NELL1: variants seen among roughly 807,000 people sequenced by gnomAD.
NELL1 encodes the protein protein kinase C-binding protein NELL1.
Under a neutral mutation model 107.4 loss-of-function variants are expected in NELL1, and 76 were observed. That is an observed-to-expected ratio of 0.71 (90% CI 0.59 to 0.86). The LOEUF (loss-of-function observed/expected upper bound fraction) is 0.86, where lower values mean the gene tolerates loss of function less well. NELL1 is among the 40% of genes least tolerant of loss of function. NELL1 has a pLI of 0.00. For synonymous variants in NELL1, 353 were observed against 341.2 expected (o/e 1.03, Z -0.38); for missense variants, 1,024 against 1,005.5 (o/e 1.02, Z -0.25).
At chr11:20,696,740 A>G (rs1165376203) in intron 2 of NELL1, among the ~76,000 whole-genome samples, 1 of 152,160 alleles carries the variant, frequency 6.6e-6, no homozygotes, top group Non-Finnish European at 1.5e-5. Context: ...AACTTTAGAA[A>G]AATTACATTT....
At chr11:21,225,103 G>A (rs147131016) in intron 13 of NELL1, among the ~76,000 whole-genome samples, 189 of 152,156 alleles carry the variant, frequency 1.2e-3, no homozygotes, top group Middle Eastern at 3.4e-3. Flanking sequence ...CTCATGTCAC[G>A]ATGCTGCAAC....
intron 12 of NELL1, among the ~76,000 whole-genome samples, chr11:21,076,888 C>G (rs1854149284): frequency 6.6e-6 from 1 of 152,124 alleles, no homozygotes; most frequent in Non-Finnish European, 1.5e-5. Flanking sequence ...TCCCCTTCCC[C>G]TCCTGCCATG....
intron 3 of NELL1, among the ~76,000 whole-genome samples, chr11:20,809,732 T>C (rs1434074527): frequency 6.6e-6 from 1 of 152,244 alleles, no homozygotes; most frequent in Non-Finnish European, 1.5e-5. Context: ...ACTATTCCAT[T>C]GTGTGTATAT....
intron 12 of NELL1, among the ~76,000 whole-genome samples, chr11:21,017,605 A>G (rs1029397168): frequency 6.6e-6 from 1 of 152,232 alleles, no homozygotes; most frequent in African/African-American, 2.4e-5. Context: ...TGAAAAACAA[A>G]CATACCTGAA....
chr11:20,896,565 G>A (rs1393130423), intron 5 of NELL1, among the ~76,000 whole-genome samples: 2 of 152,038 alleles, frequency 1.3e-5, no homozygotes, highest in Non-Finnish European at 2.9e-5. Flanking sequence ...TTTCCATAGG[G>A]GTTAATAGTT....
chr11:21,087,012 G>A (rs551509460), intron 12 of NELL1, among the ~76,000 whole-genome samples: 34 of 151,758 alleles, frequency 2.2e-4, no homozygotes, highest in African/African-American at 4.8e-4. Flanking sequence ...CTAATTTTTC[G>A]TATTTTTTAG....
At chr11:21,419,478 C>CCAAT (rs1159702223) in intron 15 of NELL1, among the ~76,000 whole-genome samples, 16 of 152,026 alleles carry the variant, frequency 1.1e-4, no homozygotes, top group African/African-American at 3.9e-4. Context: ...GAAATAGAGT[C>CCAAT]CAATCAGTCA....
At chr11:20,980,403 C>G (rs1028884595) in intron 12 of NELL1, among the ~76,000 whole-genome samples, 1 of 152,070 alleles carries the variant, frequency 6.6e-6, no homozygotes, top group South Asian at 2.1e-4. Flanking sequence ...ATTCTTTTGT[C>G]CCTGTGGTTC....
chr11:21,024,790 A>C (rs1852777678), intron 12 of NELL1, among the ~76,000 whole-genome samples: 1 of 152,168 alleles, frequency 6.6e-6, no homozygotes, highest in East Asian at 1.9e-4. Context: ...AATTCAGACT[A>C]TTCTTCCACC....
intron 3 of NELL1, among the ~76,000 whole-genome samples, chr11:20,801,751 T>C (rs2082280567): frequency 6.6e-6 from 1 of 152,226 alleles, no homozygotes; most frequent in Non-Finnish European, 1.5e-5. Flanking sequence ...GATTTGATTA[T>C]TGTATATGGC....
intron 15 of NELL1, among the ~76,000 whole-genome samples, chr11:21,398,072 T>A (rs1852019572): frequency 6.6e-6 from 1 of 151,402 alleles, no homozygotes. Flanking sequence ...ATTTAAAATA[T>A]GTATTTGCAA....
Position 21,560,284 on chromosome 11 carries a change from C to A in NELL1, c.1882C>A (p.Pro628Thr). ...CTTTGACTGTCTCTGCCCCTCTGGG[C>A]CCTCCTGCTCTGGTGACTGTCCTCA... ...GGFDCLCPSG[P>T]SCSGDCPHEG... The change falls in exon 17 of 20, where the codon CCC (proline) becomes ACC (threonine). Residue 628 changes from proline to threonine, a missense_variant. Transcript: ENST00000357134. The A allele has an allele frequency of 6.2e-7, 1 of 1,613,498 alleles. No individual in the cohort carries two copies. Among genetic ancestry groups the A allele is most frequent in the Non-Finnish European group, 8.5e-7 (1 of 1,179,682 alleles).
intron 3 of NELL1, among the ~76,000 whole-genome samples, chr11:20,846,764 G>C (rs1429799): frequency 0.32 from 48,952 of 152,034 alleles, 8,916 homozygotes; most frequent in African/African-American, 0.49. Context: ...CCCTGGCAGT[G>C]AGATCAGGCC....
chr11:21,081,953 AG>A (rs1199546064), intron 12 of NELL1, among the ~76,000 whole-genome samples: 5 of 152,184 alleles, frequency 3.3e-5, no homozygotes, highest in African/African-American at 1.2e-4. Flanking sequence ...ACTGAGATTT[AG>A]ACGCAGGCCA....
intron 14 of NELL1, among the ~76,000 whole-genome samples, chr11:21,361,502 T>C (rs1168869320): frequency 1.3e-5 from 2 of 152,168 alleles, no homozygotes; most frequent in African/African-American, 4.8e-5. Flanking sequence ...CAGGTGTTCT[T>C]TGAGCTTATC....
chr11:21,210,037 G>A (rs1857467294), intron 13 of NELL1, among the ~76,000 whole-genome samples: 1 of 152,022 alleles, frequency 6.6e-6, no homozygotes, highest in Admixed American at 6.6e-5. Flanking sequence ...TTTGAGGTTC[G>A]TCTATGAAAC....
At chr11:20,901,416 A>G (rs1849870912) in intron 5 of NELL1, among the ~76,000 whole-genome samples, 1 of 152,138 alleles carries the variant, frequency 6.6e-6, no homozygotes, top group Non-Finnish European at 1.5e-5. Context: ...AAAGAAAATT[A>G]TGAAATTTTA....
chr11:21,080,473 G>A (rs1353299796), intron 12 of NELL1, among the ~76,000 whole-genome samples: 4 of 151,960 alleles, frequency 2.6e-5, no homozygotes, highest in Admixed American at 2.6e-4. Context: ...TTTTCACTTA[G>A]TATGTTGGAT....
chr11:21,234,449 C>G (rs1342703888), intron 14 of NELL1, among the ~76,000 whole-genome samples: 2 of 152,152 alleles, frequency 1.3e-5, no homozygotes, highest in African/African-American at 4.8e-5. Context: ...CACTCCCTGA[C>G]CAGTGCACCA....
Sources: allele counts gnomAD v4.1 joint callset (sites outside exome capture counted in the v4.1 genomes callset), GRCh38; gene constraint gnomAD v4.1.1; transcripts MANE v1.5; gene names NCBI Gene and HGNC (gene_info 2026-07-23, HGNC 2026-07-21).